The following AGFG1 variants were observed in gnomAD, a reference collection of about 807,000 sequenced individuals.
The protein encoded by AGFG1 is ArfGAP with FG repeats 1.
AGFG1 carries 10 observed loss-of-function variants against 60.6 expected under a neutral mutation model. The observed-to-expected ratio is 0.16, with a 90% confidence interval of 0.10 to 0.28. AGFG1 has a LOEUF of 0.28. AGFG1 is among the 10% of genes least tolerant of loss of function. The pLI, the probability that AGFG1 is intolerant of heterozygous loss-of-function variation, is 1.00. For missense variants in AGFG1, 537 were observed against 676.5 expected (o/e 0.79, Z 2.29); for synonymous variants, 247 against 242.9 (o/e 1.02, Z -0.16).
intron 2 of AGFG1, among the ~76,000 whole-genome samples, chr2:227,509,792 A>G (rs1040042534): frequency 5.3e-5 from 8 of 152,216 alleles, no homozygotes; most frequent in African/African-American, 1.7e-4. Flanking sequence ...AGTAAAACAC[A>G]AAGAGTGATT....
chr2:227,520,916 A>G (rs572556783), intron 3 of AGFG1, among the ~76,000 whole-genome samples: 19 of 152,324 alleles, frequency 1.2e-4, no homozygotes, highest in Admixed American at 3.9e-4. Flanking sequence ...TTTCAACCCA[A>G]GAGAATCTGT....
At chr2:227,481,064 T>G (rs1690442758) in intron 1 of AGFG1, among the ~76,000 whole-genome samples, 1 of 151,234 alleles carries the variant, frequency 6.6e-6, no homozygotes, top group Non-Finnish European at 1.5e-5. Flanking sequence ...CATATTGAAG[T>G]ATTTTGGTGT....
chr2:227,491,771 A>G (rs1438743161), intron 2 of AGFG1, 131 bp downstream of exon 2: 3 of 519,476 alleles, frequency 5.8e-6, no homozygotes, highest in African/African-American at 4.0e-5. Context: ...TTATATTTAG[A>G]TATTTTAAAA....
At chr2:227,524,484 G>A (rs1691925282) in intron 4 of AGFG1, among the ~76,000 whole-genome samples, 1 of 152,202 alleles carries the variant, frequency 6.6e-6, no homozygotes, top group African/African-American at 2.4e-5. Flanking sequence ...GGCTGTGACA[G>A]ATCTGTTACT....
In AGFG1 at chr2:227,472,714, G is replaced by T. The variant is rs1429385329; in HGVS notation, c.167+126G>T. 4 of 1,103,678 alleles carry T rather than the reference G, an allele frequency of 3.6e-6. No individual in the cohort carries two copies. The East Asian group carries it at 1.4e-4, about 39-fold the overall frequency. 68.4% of individuals were successfully genotyped at this position (1,103,678 alleles called of 1,614,324 possible). A position where few individuals can be genotyped will look rare whatever the true frequency, so the allele number is the denominator to read the frequency against. ...CCGTGGGAGGCGGTCGGGGGCGGCC[G>T]TTGGGCGCCGGCTGGCGGGCGCGGC... On this transcript the variant is annotated intron_variant, in intron 1 of 12. Coordinates refer to ENST00000310078, the MANE Select transcript of AGFG1 (RefSeq NM_004504.5).
At position 227,508,002 on chromosome 2, in the gene AGFG1, C is replaced by CT. The variant is rs34862640; in HGVS notation, c.262-11933dup. Reference sequence around the variant, plus strand: ...CTAGAAGAGCTTTGCCTGAATGTTCCTTTTTTTTTTTTTAATTAACCTGTG... The same window carrying CT: ...CTAGAAGAGCTTTGCCTGAATGTTCCTTTTTTTTTTTTTTAATTAACCTGTG... On this transcript the variant is annotated intron_variant, in intron 2 of 12. Coordinates refer to ENST00000310078, the MANE Select transcript of AGFG1 (RefSeq NM_004504.5). 2.3e-3 allele frequency among the ~76,000 whole-genome samples: 334 copies of CT among 143,154 alleles called. 2 individuals are homozygous for CT. Among genetic ancestry groups the CT allele is most frequent in the Admixed American group, 0.01 (147 of 14,394 alleles). 93.9% of individuals were successfully genotyped at this position (143,154 alleles called of 152,430 possible). A position where few individuals can be genotyped will look rare whatever the true frequency, so the allele number is the denominator to read the frequency against.
rs1227206923 is a variant in AGFG1 at position 227,537,106 on chromosome 2, A to G, written c.1378+113A>G. On this transcript the variant is annotated intron_variant, in intron 10 of 12. Coordinates refer to ENST00000310078, the MANE Select transcript of AGFG1 (RefSeq NM_004504.5). ...CTCTTTCTTAGTGAAGTGAATGGCA[A>G]TGGATAGAAGAGTTTGTCCATAAAG... is the stretch of plus-strand genomic sequence containing the variant. 15 of 844,186 alleles carry G rather than the reference A, an allele frequency of 1.8e-5. No homozygotes were observed. In the Admixed American group the frequency reaches 1.8e-4, roughly 10 times the overall value. 52.3% of individuals were successfully genotyped at this position (844,186 alleles called of 1,614,324 possible). A position where few individuals can be genotyped will look rare whatever the true frequency, so the allele number is the denominator to read the frequency against.
chr2:227,495,496 T>C (rs765808659), intron 2 of AGFG1, among the ~76,000 whole-genome samples: 13 of 148,412 alleles, frequency 8.8e-5, no homozygotes, highest in Non-Finnish European at 8.9e-5. Flanking sequence ...CAGTAAGTCA[T>C]GATCATGCAA....
chr2:227,487,339 G>A (rs775558024), intron 1 of AGFG1, among the ~76,000 whole-genome samples: 13 of 150,446 alleles, frequency 8.6e-5, no homozygotes, highest in East Asian at 3.9e-4. Flanking sequence ...ATTCGATCTC[G>A]TCACTTATAT....
chr2:227,509,049 T>G (rs910586431), intron 2 of AGFG1, among the ~76,000 whole-genome samples: 1 of 152,172 alleles, frequency 6.6e-6, no homozygotes, highest in Non-Finnish European at 1.5e-5. Context: ...CATAAACATG[T>G]AGAAAACAGT....
intron 2 of AGFG1, among the ~76,000 whole-genome samples, chr2:227,503,634 CT>C (rs1367027156): frequency 6.6e-6 from 1 of 152,180 alleles, no homozygotes; most frequent in Admixed American, 6.5e-5. Context: ...ACTCAGTCAC[CT>C]TTGACCAGCT....
rs1259229182 is a variant in AGFG1, at chr2:227,559,168, G to A, written c.*4673G>A. On this transcript the variant is annotated 3_prime_UTR_variant, in exon 13 of 13. Transcript: ENST00000310078. The stretch of plus-strand genomic sequence containing the variant: ...AATTCTGTCTGCAGTTCTGTTTTGT[G>A]TGACCAGCACAGTGTTTTAAAACGT... 2.0e-5 allele frequency: 3 copies of A among 152,196 alleles called. No homozygotes were observed. The highest frequency in any genetic ancestry group is 7.2e-5 in the African/African-American group (3 of 41,452). 9.4% of individuals were successfully genotyped at this position (152,196 alleles called of 1,614,324 possible).
chr2:227,526,011 T>C (rs912004618), intron 5 of AGFG1, among the ~76,000 whole-genome samples: 3 of 152,208 alleles, frequency 2.0e-5, no homozygotes, highest in Non-Finnish European at 4.4e-5. Context: ...CCATCAGATA[T>C]CAGAATAATG....
chr2:227,553,426 G>A (rs1322156471), intron 11 of AGFG1, among the ~76,000 whole-genome samples: 1 of 149,406 alleles, frequency 6.7e-6, no homozygotes, highest in Non-Finnish European at 1.5e-5. Context: ...AGCCCTGGAG[G>A]TTGAGGCTGC....
At chr2:227,530,279 T>C (rs1342044792) in intron 5 of AGFG1, among the ~76,000 whole-genome samples, 1 of 152,210 alleles carries the variant, frequency 6.6e-6, no homozygotes, top group Non-Finnish European at 1.5e-5. Flanking sequence ...TTTGTATTAC[T>C]GAATTTATTA....
chr2:227,474,122 G>C (rs547605571), intron 1 of AGFG1, among the ~76,000 whole-genome samples: 1 of 152,332 alleles, frequency 6.6e-6, no homozygotes, highest in South Asian at 2.1e-4. Flanking sequence ...AGAGCTAGGT[G>C]ATATCAAGGA....
At chr2:227,505,397 A>G (rs997636662) in intron 2 of AGFG1, among the ~76,000 whole-genome samples, 3 of 152,256 alleles carry the variant, frequency 2.0e-5, no homozygotes, top group East Asian at 1.9e-4. Context: ...TTTCCTTCCA[A>G]ATATTTTTTC....
chr2:227,553,761 T>G lies in AGFG1; in HGVS notation c.1595T>G (p.Val532Gly). The G allele has an allele frequency of 6.2e-7, 1 of 1,613,918 alleles. No homozygotes were observed. The change falls in exon 12 of 13, where the codon GTT becomes GGT. Residue 532 changes from valine to glycine, a missense_variant. By Grantham distance (109) the Val-to-Gly change is moderately radical. This residue lies in a region of AGFG1 where 28 missense variants were observed against 51.5 expected (regional missense o/e 0.54). Transcript: ENST00000310078. ...TKPVVTPFGQ[V>G]AAAGVSSNPF... ...CCAGTAGTAACCCCTTTTGGTCAAG[T>G]TGCAGCTGCTGGAGTATCTAGTAAT...
intron 10 of AGFG1, among the ~76,000 whole-genome samples, chr2:227,549,025 A>G (rs1346762036): frequency 7.0e-6 from 1 of 143,164 alleles, no homozygotes; most frequent in South Asian, 2.2e-4. Context: ...TTTTTTTTGT[A>G]TTTGGAACAC....
Sources: allele counts gnomAD v4.1 joint callset (sites outside exome capture counted in the v4.1 genomes callset), GRCh38; gene constraint gnomAD v4.1.1; regional missense constraint gnomAD v4.1.1; transcripts MANE v1.5; gene names NCBI Gene and HGNC (gene_info 2026-07-23, HGNC 2026-07-21).